RGS12: variants seen among roughly 807,000 people sequenced by gnomAD.
RGS12 encodes the protein regulator of G-protein signaling 12.
In RGS12, 66 loss-of-function variants were observed where a neutral mutation model predicts 120.1. The ratio of observed to expected loss-of-function variants is 0.55; its 90% CI spans 0.45 to 0.67. The LOEUF (loss-of-function observed/expected upper bound fraction) is 0.67. RGS12 is among the 30% of genes least tolerant of loss of function. The pLI, the probability that RGS12 is intolerant of heterozygous loss-of-function variation, is 0.00. For missense variants in RGS12, 1,859 were observed against 1,957.7 expected, an observed-to-expected ratio of 0.95 and a Z score of 0.95; for synonymous variants, 827 against 804.7, an observed-to-expected ratio of 1.03 and a Z score of -0.47.
chr4:3,292,343 C>T (rs1346077512), upstream of RGS12, among the ~76,000 whole-genome samples: 1 of 152,128 alleles, frequency 6.6e-6, no homozygotes, highest in Non-Finnish European at 1.5e-5. Flanking sequence ...GCCCGCGCTC[C>T]GGGAGGGGCA....
chr4:3,361,838 G>A (rs1715594940), intron 3 of RGS12, among the ~76,000 whole-genome samples: 1 of 152,186 alleles, frequency 6.6e-6, no homozygotes, highest in Admixed American at 6.5e-5. Flanking sequence ...TAAAGTGTTG[G>A]CGAAATGTCT....
chr4:3,377,259 G>A (rs1033456028), intron 3 of RGS12, among the ~76,000 whole-genome samples: 5 of 152,050 alleles, frequency 3.3e-5, no homozygotes, highest in Admixed American at 6.5e-5. Context: ...TTTTGTAGTG[G>A]CAGTGTCTTG....
intron 1 of RGS12, among the ~76,000 whole-genome samples, chr4:3,297,774 A>G (rs1383605357): frequency 2.0e-5 from 3 of 151,934 alleles, no homozygotes; most frequent in African/African-American, 4.8e-5. Flanking sequence ...CGCCGCTGTC[A>G]CCTGCATTTC....
intron 2 of RGS12, 104 bp downstream of exon 2, chr4:3,318,155 C>G: frequency 9.9e-7 from 1 of 1,015,132 alleles, no homozygotes; most frequent in Non-Finnish European, 1.4e-6. Context: ...TGGCTTCCTC[C>G]TGCTGGCCCT....
rs574829219 is a variant in RGS12, at chr4:3,414,012, G to A, written c.2021-60G>A. 3 of 1,466,248 alleles carry A rather than the reference G, an allele frequency of 2.0e-6. No individual in the cohort carries two copies. In the South Asian group the frequency reaches 4.0e-5, roughly 20 times the overall value. The allele number at this position is 1,466,248 out of a possible 1,614,324, so 90.8% of individuals were successfully genotyped here. A position where few individuals can be genotyped will look rare whatever the true frequency, so the allele number is the denominator to read the frequency against. ...CCAGGGTCTCCTGTGGGCGGGCAGA[G>A]CAGTCACTGGGCCGGGGCGGAGGGC... On this transcript the variant is annotated intron_variant, in intron 4 of 17. Transcript: ENST00000336727.
intron 10 of RGS12, among the ~76,000 whole-genome samples, chr4:3,421,680 C>T (rs575722426): frequency 1.3e-5 from 2 of 152,342 alleles, no homozygotes; most frequent in East Asian, 1.9e-4. Context: ...GTCCCACAGC[C>T]GGCTCAGGGA....
At position 3,309,466 on chromosome 4, in the gene RGS12, C is replaced by T. The variant is rs1443341363; in HGVS notation, c.-101-6604C>T. ...CTGGGACCCAGGAATGGCAGGTGTC[C>T]GCTGAGGGGAACCGTGTGGGGGAGG... On this transcript the variant is annotated intron_variant, in intron 1 of 17. Transcript: ENST00000336727. Among the ~76,000 whole-genome samples the T allele has an allele frequency of 1.8e-4, 23 of 126,248 alleles. 1 individual carries two copies. The highest frequency in any genetic ancestry group is 3.2e-4 in the Admixed American group (4 of 12,668). 82.8% of individuals were successfully genotyped at this position (126,248 alleles called of 152,430 possible).
At chr4:3,294,773 G>A (rs551188028) in intron 1 of RGS12, among the ~76,000 whole-genome samples, 119 of 152,334 alleles carry the variant, frequency 7.8e-4, no homozygotes, top group Non-Finnish European at 1.5e-3. Flanking sequence ...TCTAGCCCTG[G>A]TAACTGCAAT....
At chr4:3,356,741 T>G (rs1375139903) in intron 3 of RGS12, among the ~76,000 whole-genome samples, 1 of 152,228 alleles carries the variant, frequency 6.6e-6, no homozygotes, top group Non-Finnish European at 1.5e-5. Context: ...TTTTTAAGGC[T>G]GAATGATATT....
At chr4:3,347,065 G>T (rs1387567393) in intron 3 of RGS12, among the ~76,000 whole-genome samples, 1 of 152,030 alleles carries the variant, frequency 6.6e-6, no homozygotes, top group Non-Finnish European at 1.5e-5. Flanking sequence ...GAGGGATCGA[G>T]TAGGGAGAAA....
At chr4:3,313,718 G>C (rs1214304332) in intron 1 of RGS12, among the ~76,000 whole-genome samples, 1 of 152,092 alleles carries the variant, frequency 6.6e-6, no homozygotes, top group African/African-American at 2.4e-5. Context: ...GCCTGGGCTC[G>C]AGACCCATCC....
In RGS12 at chr4:3,425,480, C is replaced by T. The variant is rs746802066; in HGVS notation, c.3251C>T (p.Pro1084Leu). The T allele has an allele frequency of 3.7e-6, 6 of 1,612,016 alleles. No individual in the cohort carries two copies. The African/African-American group carries it at 8.0e-5, about 22-fold the overall frequency. ...LLVRLSGEKE[P>L]LDLGAPISSL... is the part of the protein sequence containing the mutation. Reference sequence around the variant, plus strand: ...CTGCCCTAGAGTGGAGAGAAGGAGCCCCTGGACCTTGGCGCCCCTATATCG... The same window carrying T: ...CTGCCCTAGAGTGGAGAGAAGGAGCTCCTGGACCTTGGCGCCCCTATATCG... The change falls in exon 14 of 18, where the codon CCC becomes CTC. Residue 1084 changes from proline (P) to leucine (L), a missense_variant. Pro to Leu is a moderately conservative substitution (Grantham distance 98). This residue lies in a region of RGS12 where 517 missense variants were observed against 488.5 expected (regional missense o/e 1.06). Transcript: ENST00000336727.
chr4:3,410,785 G>A (rs1169356518), intron 4 of RGS12, among the ~76,000 whole-genome samples: 4 of 152,202 alleles, frequency 2.6e-5, no homozygotes, highest in Non-Finnish European at 4.4e-5. Flanking sequence ...GTGAACCTAC[G>A]AGTGTCCGGG....
At chr4:3,299,034 T>C (rs1008544447) in intron 1 of RGS12, among the ~76,000 whole-genome samples, 11 of 152,236 alleles carry the variant, frequency 7.2e-5, no homozygotes, top group Admixed American at 3.3e-4. Context: ...TATTTGATGG[T>C]GTACTGGACA....
intron 1 of RGS12, among the ~76,000 whole-genome samples, chr4:3,300,210 T>C (rs1276010480): frequency 6.6e-6 from 1 of 152,144 alleles, no homozygotes; most frequent in African/African-American, 2.4e-5. Context: ...ACTGAGTGCA[T>C]CTGGGTCTGG....
intron 2 of RGS12, among the ~76,000 whole-genome samples, chr4:3,320,954 G>A (rs77274790): frequency 0.013 from 2,033 of 152,302 alleles, 45 homozygotes; most frequent in African/African-American, 0.047. Flanking sequence ...GTTGGCACAG[G>A]GAGGGAGAGA....
intron 2 of RGS12, chr4:3,324,339 TTG>T: frequency 5.9e-6 from 1 of 169,618 alleles, no homozygotes. Flanking sequence ...TCCACCAAGG[TTG>T]TGACAGTATC....
chr4:3,290,385 C>G (rs566207166), upstream of RGS12, among the ~76,000 whole-genome samples: 17 of 152,348 alleles, frequency 1.1e-4, no homozygotes, highest in East Asian at 2.9e-3. Flanking sequence ...CTCTTCTCCC[C>G]CGCCCCTGCC....
intron 4 of RGS12, among the ~76,000 whole-genome samples, chr4:3,402,655 C>CGTCCTCTGCGTTGGGTGGT: frequency 6.8e-6 from 1 of 147,644 alleles, no homozygotes. Context: ...CGTTGGGTGG[C>CGTCCTCTGCGTTGGGTGGT]GTCCTCTGCG....
Sources: allele counts gnomAD v4.1 joint callset (sites outside exome capture counted in the v4.1 genomes callset), GRCh38; gene constraint gnomAD v4.1.1; regional missense constraint gnomAD v4.1.1; transcripts MANE v1.5; gene names NCBI Gene and HGNC (gene_info 2026-07-23, HGNC 2026-07-21).